The following KLF8 variants were observed in gnomAD, a reference collection of about 807,000 sequenced individuals.
The protein encoded by KLF8 is Krueppel-like factor 8.
In KLF8, 10 loss-of-function variants were observed where a neutral mutation model predicts 18.2. The ratio of observed to expected loss-of-function variants is 0.55; its 90% CI spans 0.34 to 0.93. The LOEUF (loss-of-function observed/expected upper bound fraction) is 0.93, where lower values mean the gene tolerates loss of function less well. KLF8 is among the 40% of genes least tolerant of loss of function. The pLI, the probability that KLF8 is intolerant of heterozygous loss-of-function variation, is 0.02. For missense variants in KLF8, 264 were observed against 277.9 expected, an observed-to-expected ratio of 0.95 and a Z score of 0.36; for synonymous variants, 109 against 97.3, an observed-to-expected ratio of 1.12 and a Z score of -0.71.
At chrX:55,989,479 G>T in the KLF8 span, among the ~76,000 whole-genome samples, 1 of 112,129 alleles carries the variant, frequency 8.9e-6, no homozygotes, top group African/African-American at 3.2e-5. Flanking sequence ...TTTTGTCTTT[G>T]GTTCTGTTTA....
At chrX:56,209,231 T>G in the KLF8 span, among the ~76,000 whole-genome samples, 1 of 112,136 alleles carries the variant, frequency 8.9e-6, no homozygotes, top group Non-Finnish European at 1.9e-5. Flanking sequence ...CTTCTTATAG[T>G]TTTTGTCTTG....
the KLF8 span, among the ~76,000 whole-genome samples, chrX:55,924,607 C>T: frequency 1.8e-5 from 2 of 111,065 alleles, no homozygotes; most frequent in Non-Finnish European, 3.8e-5. Flanking sequence ...AATGAATGAA[C>T]ATAGAGGAAG....
the KLF8 span, among the ~76,000 whole-genome samples, chrX:55,986,748 G>A: frequency 9.0e-6 from 1 of 111,649 alleles, no homozygotes; most frequent in East Asian, 2.8e-4. Flanking sequence ...TGGTTACATG[G>A]GTAAATTGCA....
chrX:56,012,423 GTAAAT>G, the KLF8 span, among the ~76,000 whole-genome samples: 1 of 111,800 alleles, frequency 8.9e-6, no homozygotes, highest in Non-Finnish European at 1.9e-5. Context: ...TCTCAGTAAA[GTAAAT>G]ATTGATGGAA....
chrX:56,105,783 C>T, the KLF8 span, among the ~76,000 whole-genome samples: 1 of 111,030 alleles, frequency 9.0e-6, no homozygotes, highest in East Asian at 2.8e-4. Context: ...GTTATTTTGC[C>T]CATTAATTTA....
chrX:56,139,327 A>C, the KLF8 span, among the ~76,000 whole-genome samples: 1 of 111,949 alleles, frequency 8.9e-6, no homozygotes, highest in Admixed American at 9.5e-5. Context: ...GAAACCAGAA[A>C]AGAGCTCGAA....
chrX:56,258,600 G>A (rs762536175), intron 2 of KLF8, among the ~76,000 whole-genome samples: 4 of 112,484 alleles, frequency 3.6e-5, no homozygotes, highest in Non-Finnish European at 5.6e-5. Context: ...TGAGATCTCA[G>A]TGTACCTAAG....
chrX:56,284,639 G>A lies in KLF8; in HGVS notation c.*145G>A. ...CCAAGTTGAGGAGACTGGAGGAAAAGAGAGCTGGTCTCCCGTGGGGCTCTT... is the reference window on the plus strand; with the variant it reads ...CCAAGTTGAGGAGACTGGAGGAAAAAAGAGCTGGTCTCCCGTGGGGCTCTT... On this transcript the variant is annotated 3_prime_UTR_variant, in exon 6 of 6. Coordinates refer to ENST00000468660, the MANE Select transcript of KLF8 (RefSeq NM_007250.5). The A allele has an allele frequency of 2.4e-6, 1 of 424,924 alleles. No homozygotes were observed. The highest frequency in any genetic ancestry group is 3.8e-6 in the Non-Finnish European group (1 of 265,232). The allele number at this position is 424,924 out of a possible 1,213,427, so 35.0% of individuals were successfully genotyped here.
At chrX:56,258,382 C>T (rs1455257360) in intron 2 of KLF8, among the ~76,000 whole-genome samples, 1 of 111,911 alleles carries the variant, frequency 8.9e-6, no homozygotes, top group African/African-American at 3.3e-5. Flanking sequence ...ACGCCATTCT[C>T]CTGCCTCAGC....
the KLF8 span, among the ~76,000 whole-genome samples, chrX:55,958,531 C>G: frequency 9.0e-6 from 1 of 111,383 alleles, no homozygotes; most frequent in Non-Finnish European, 1.9e-5. Flanking sequence ...TTCCCTATAC[C>G]CAAATAAATG....
the KLF8 span, among the ~76,000 whole-genome samples, chrX:55,999,815 C>A: frequency 6.2e-4 from 69 of 111,786 alleles, no homozygotes; most frequent in African/African-American, 2.2e-3. Flanking sequence ...TCAACTTCTT[C>A]ATTTCCTATT....
the KLF8 span, among the ~76,000 whole-genome samples, chrX:56,054,595 A>G: frequency 1.8e-5 from 2 of 111,709 alleles, no homozygotes. Context: ...GTTGATATCT[A>G]TCAGGTCCAG....
the KLF8 span, among the ~76,000 whole-genome samples, chrX:56,053,345 A>T: frequency 9.0e-6 from 1 of 111,379 alleles, no homozygotes; most frequent in East Asian, 2.8e-4. Flanking sequence ...ACCAATTTTT[A>T]ATTCTATGAA....
At chrX:56,103,021 T>A in the KLF8 span, among the ~76,000 whole-genome samples, 1 of 107,138 alleles carries the variant, frequency 9.3e-6, no homozygotes, top group Non-Finnish European at 1.9e-5. Flanking sequence ...TCTCTCCTCC[T>A]CAGAGGTTGC....
At chrX:56,171,719 T>C in the KLF8 span, among the ~76,000 whole-genome samples, 1 of 111,910 alleles carries the variant, frequency 8.9e-6, no homozygotes, top group East Asian at 2.8e-4. Flanking sequence ...TTTTTATGGC[T>C]GCATAGTATT....
At chrX:56,199,369 A>T in the KLF8 span, among the ~76,000 whole-genome samples, 1 of 111,998 alleles carries the variant, frequency 8.9e-6, no homozygotes, top group Non-Finnish European at 1.9e-5. Context: ...CAGAATCTAC[A>T]AAGAACTCTA....
chrX:56,268,722 A>G (rs2067003582), intron 3 of KLF8: 1 of 775,980 alleles, frequency 1.3e-6, no homozygotes. Flanking sequence ...TCTCTATAGA[A>G]ATTTTGAAGG....
chrX:56,061,840 T>C, the KLF8 span, among the ~76,000 whole-genome samples: 2 of 110,792 alleles, frequency 1.8e-5, no homozygotes, highest in East Asian at 2.8e-4. Flanking sequence ...TGAATCTGGG[T>C]GCCCCTGTAT....
chrX:56,035,696 C>T, the KLF8 span, among the ~76,000 whole-genome samples: 2 of 111,814 alleles, frequency 1.8e-5, no homozygotes, highest in East Asian at 5.6e-4. Context: ...TTTTGATTTG[C>T]ATTTCTTTGA....
Sources: gnomAD v4.1 joint callset for allele counts (sites outside exome capture counted in the v4.1 genomes callset) on GRCh38, gnomAD v4.1.1 for gene constraint, MANE v1.5 for transcripts, NCBI Gene and HGNC (gene_info 2026-07-23, HGNC 2026-07-21) for gene names.